The following TECTA variants were observed in gnomAD, a reference collection of about 807,000 sequenced individuals.
The protein encoded by TECTA is alpha-tectorin.
A neutral mutation model predicts 216.8 loss-of-function variants in TECTA; 128 were observed. The observed-to-expected ratio is 0.59, with a 90% confidence interval of 0.51 to 0.68. The LOEUF (loss-of-function observed/expected upper bound fraction) is 0.68, where lower values mean the gene tolerates loss of function less well. TECTA is among the 30% of genes least tolerant of loss of function. The probability of loss-of-function intolerance (pLI) is 0.00; values close to 1 mark genes in which losing one functional copy is unlikely to be tolerated. For missense variants in TECTA, 2,551 were observed against 2,786.2 expected, an observed-to-expected ratio of 0.92 and a Z score of 1.90; for synonymous variants, 1,089 against 1,117.1, an observed-to-expected ratio of 0.97 and a Z score of 0.50.
intron 3 of TECTA, among the ~76,000 whole-genome samples, chr11:121,106,470 G>A (rs1946391213): frequency 6.6e-6 from 1 of 152,196 alleles, no homozygotes. Flanking sequence ...AGATAGGCCA[G>A]AGGGTCTCAT....
In TECTA at chr11:121,128,105, G is replaced by C; in HGVS notation, c.2128G>C (p.Glu710Gln). The change falls in exon 9 of 24, where the codon GAG becomes CAG. Residue 710 changes from glutamate to glutamine, a missense_variant. By Grantham distance (29) the Glu-to-Gln change is conservative (BLOSUM62 2). Around this residue, in one of 3 missense-constraint regions of TECTA, gnomAD observed 2,375 missense variants for 2,563.9 expected, o/e 0.93. Transcript: ENST00000392793. ...DGYQGCFPKR[E>Q]TVCLLSQNQV... Reference sequence around the variant, plus strand: ...CTACCAGGGCTGCTTCCCCAAGCGGGAGACCGTGTGCCTGCTCAGCCAGAA... The same window carrying C: ...CTACCAGGGCTGCTTCCCCAAGCGGCAGACCGTGTGCCTGCTCAGCCAGAA... The C allele has an allele frequency of 1.9e-6, 3 of 1,612,938 alleles. No homozygotes were observed. The highest frequency in any genetic ancestry group is 2.5e-6 in the Non-Finnish European group (3 of 1,179,826).
At chr11:121,106,268 G>A (rs942851814) in intron 3 of TECTA, among the ~76,000 whole-genome samples, 2 of 152,184 alleles carry the variant, frequency 1.3e-5, no homozygotes, top group Admixed American at 1.3e-4. Context: ...TACTCAACGA[G>A]ATAAAAAGAT....
Position 121,158,219 on chromosome 11 carries a change from G to T in TECTA, c.4684G>T (p.Val1562Phe), listed in dbSNP as rs752211807. The T allele has an allele frequency of 1.3e-5, 21 of 1,612,336 alleles. No individual in the cohort carries two copies. The highest frequency in any genetic ancestry group is 1.8e-5 in the Non-Finnish European group (21 of 1,180,016). ...GATTCTCATCAACGACCGGAACACG[G>T]TCAAGGTAACCAGCCTGGCGGCCAT... ...EQILINDRNTVKVNGTQVNVP... is the reference protein window; with the variant it reads ...EQILINDRNTFKVNGTQVNVP... The change falls in exon 14 of 24, where the codon GTC becomes TTC. Residue 1562 changes from valine (V) to phenylalanine (F), a missense_variant. Physicochemically the swap from Val to Phe is conservative, Grantham distance 50. Transcript: ENST00000392793.
intron 10 of TECTA, among the ~76,000 whole-genome samples, chr11:121,133,760 G>A (rs891982278): frequency 6.6e-5 from 10 of 152,162 alleles, no homozygotes; most frequent in Admixed American, 4.6e-4. Flanking sequence ...ACGGAAGCAC[G>A]ATCTTGTCCA....
rs1158287266 is a variant in TECTA at position 121,145,482 on chromosome 11, AC to A, written c.3544-72del. 5 of 1,515,094 alleles carry A rather than the reference AC, an allele frequency of 3.3e-6. No homozygotes were observed. The Admixed American group carries it at 8.4e-5, about 25-fold the overall frequency. The allele number at this position is 1,515,094 out of a possible 1,614,324, so 93.9% of individuals were successfully genotyped here. A position where few individuals can be genotyped will look rare whatever the true frequency, so the allele number is the denominator to read the frequency against. On this transcript the variant is annotated intron_variant, in intron 11 of 23. Coordinates refer to ENST00000392793, the MANE Select transcript of TECTA (RefSeq NM_005422.4). ...CCCTCTGGGACTTGTCTTTCAAGAG[AC>A]TCATCGTTAGGAGAAGAGCTGGGAA...
chr11:121,129,352 C>T (rs1261708864), intron 9 of TECTA, among the ~76,000 whole-genome samples: 1 of 152,192 alleles, frequency 6.6e-6, no homozygotes, highest in Non-Finnish European at 1.5e-5. Context: ...GAGGGAGCCA[C>T]GTATCTAAGA....
chr11:121,166,521 A>G, intron 17 of TECTA, 57 bp from the exon 18 acceptor site: 2 of 1,577,196 alleles, frequency 1.3e-6, no homozygotes, highest in South Asian at 1.1e-5. Context: ...CTTTGCTCCC[A>G]CTCCTGCAGC....
At chr11:121,165,827 T>C (rs758578456) in intron 17 of TECTA, among the ~76,000 whole-genome samples, 2 of 152,220 alleles carry the variant, frequency 1.3e-5, no homozygotes, top group Non-Finnish European at 2.9e-5. Context: ...TTCCTAACTG[T>C]AGCTCCCTTG....
intron 12 of TECTA, among the ~76,000 whole-genome samples, chr11:121,148,035 T>G (rs1420629856): frequency 6.6e-6 from 1 of 152,080 alleles, no homozygotes; most frequent in Non-Finnish European, 1.5e-5. Context: ...AGAAGGTGAT[T>G]TTTCTTGTCT....
intron 20 of TECTA, among the ~76,000 whole-genome samples, chr11:121,186,596 T>G (rs1172108312): frequency 2.0e-5 from 3 of 152,202 alleles, no homozygotes; most frequent in Non-Finnish European, 4.4e-5. Context: ...ATTATCCAAA[T>G]GAATAACAGT....
In TECTA at chr11:121,145,949, A is replaced by G. The variant is rs1946831748; in HGVS notation, c.3938A>G (p.Lys1313Arg). 6.2e-7 allele frequency: 1 copy of G among 1,614,258 alleles called. No individual in the cohort carries two copies. ...CCCAACCAGAACGCTGCCTTCTCCAAGTGTCACAGCAAAGTTAACCCCACC... is the reference window on the plus strand; with the variant it reads ...CCCAACCAGAACGCTGCCTTCTCCAGGTGTCACAGCAAAGTTAACCCCACC... Reference protein sequence around the residue: ...LIPNQNAAFSKCHSKVNPTFF... With the variant: ...LIPNQNAAFSRCHSKVNPTFF... The change falls in exon 12 of 24, where the codon AAG (lysine) becomes AGG (arginine). Residue 1313 changes from lysine to arginine, a missense_variant. Coordinates refer to ENST00000392793, the MANE Select transcript of TECTA (RefSeq NM_005422.4).
At chr11:121,170,614 C>T (rs1179294223) in intron 20 of TECTA, among the ~76,000 whole-genome samples, 1 of 152,042 alleles carries the variant, frequency 6.6e-6, no homozygotes, top group Non-Finnish European at 1.5e-5. Context: ...TTAATAGTAG[C>T]CATTTTTACT....
In TECTA at chr11:121,130,094, C is replaced by T. The variant is rs146611460; in HGVS notation, c.2824C>T (p.Arg942Cys). Residue 942 changes from arginine to cysteine, a missense_variant, in exon 10 of 24, where the codon CGC becomes TGC. By Grantham distance (180) the Arg-to-Cys change is radical. Coordinates refer to ENST00000392793, the MANE Select transcript of TECTA (RefSeq NM_005422.4). ...VTAYYRTCLFRLCQSGGNESE... is the reference protein window; with the variant it reads ...VTAYYRTCLFCLCQSGGNESE... ...TGCCTATTACCGCACCTGCCTTTTC[C>T]GCCTGTGCCAGAGTGGGGGCAATGA... is the stretch of plus-strand genomic sequence containing the variant. 26 of 1,613,674 alleles carry T rather than the reference C, an allele frequency of 1.6e-5. No homozygotes were observed. In the East Asian group the frequency reaches 1.8e-4, roughly 11 times the overall value.
chr11:121,186,721 G>T (rs3781823), intron 20 of TECTA, among the ~76,000 whole-genome samples: 1 of 152,088 alleles, frequency 6.6e-6, no homozygotes, highest in African/African-American at 2.4e-5. Flanking sequence ...ATTAAGTGTG[G>T]GAATGCTGAA....
At chr11:121,138,826 C>G (rs1208430170) in intron 11 of TECTA, among the ~76,000 whole-genome samples, 1 of 152,246 alleles carries the variant, frequency 6.6e-6, no homozygotes, top group African/African-American at 2.4e-5. Context: ...CCAGCAGCCT[C>G]TGCTTTAGCA....
At chr11:121,116,384 T>C (rs983142879) in intron 6 of TECTA, among the ~76,000 whole-genome samples, 1 of 152,194 alleles carries the variant, frequency 6.6e-6, no homozygotes, top group African/African-American at 2.4e-5. Context: ...CAGAGATGAC[T>C]GGCTATGGCC....
intron 20 of TECTA, among the ~76,000 whole-genome samples, chr11:121,182,331 G>A (rs1179617411): frequency 1.3e-5 from 2 of 152,150 alleles, no homozygotes; most frequent in African/African-American, 2.4e-5. Flanking sequence ...AGTGCCAGTG[G>A]TGGTGGTGGT....
intron 10 of TECTA, among the ~76,000 whole-genome samples, 193 bp downstream of exon 10, chr11:121,130,404 T>A (rs1299191785): frequency 2.0e-5 from 3 of 152,156 alleles, no homozygotes; most frequent in Admixed American, 1.3e-4. Flanking sequence ...CATCTTTACT[T>A]TTTTTCCTAA....
At position 121,162,298 on chromosome 11, in the gene TECTA, C is replaced by G. The variant is rs1389989404; in HGVS notation, c.5200C>G (p.Leu1734Val). Reference protein sequence around the residue: ...SHKKFQLCGSLAAYGEACRSF... With the variant: ...SHKKFQLCGSVAAYGEACRSF... ...CAAGAAGTTCCAGCTGTGCGGCTCC[C>G]TGGCCGCCTACGGGGAGGCCTGCCG... Residue 1734 changes from leucine (L) to valine (V), a missense_variant, in exon 16 of 24, where the codon CTG becomes GTG. Physicochemically the swap from Leu to Val is conservative, Grantham distance 32. Transcript: ENST00000392793. 10 of 1,613,410 alleles carry G rather than the reference C, an allele frequency of 6.2e-6. No homozygotes were observed. The highest frequency in any genetic ancestry group is 5.0e-5 in the Admixed American group (3 of 60,014).
Sources: gnomAD v4.1 joint callset for allele counts (sites outside exome capture counted in the v4.1 genomes callset) on GRCh38, gnomAD v4.1.1 for gene constraint, gnomAD v4.1.1 regional missense constraint, MANE v1.5 for transcripts, NCBI Gene and HGNC (gene_info 2026-07-23, HGNC 2026-07-21) for gene names.